CNTLN: variants seen among roughly 807,000 people sequenced by gnomAD.
The protein encoded by CNTLN is centlein, centrosomal protein.
A neutral mutation model predicts 180.0 loss-of-function variants in CNTLN; 212 were observed. The ratio of observed to expected loss-of-function variants is 1.18; its 90% CI spans 1.05 to 1.32. The LOEUF (loss-of-function observed/expected upper bound fraction) is 1.32, where lower values mean the gene tolerates loss of function less well. Ranked by LOEUF, CNTLN falls within the 40% of genes most tolerant of loss-of-function variation. The pLI, the probability that CNTLN is intolerant of heterozygous loss-of-function variation, is 0.00. For missense variants in CNTLN, 2,095 were observed against 1,610.9 expected (o/e 1.30, Z -5.14); for synonymous variants, 722 against 563.1 (o/e 1.28, Z -3.99).
chr9:17,453,828 T>C (rs1327274383), intron 18 of CNTLN, among the ~76,000 whole-genome samples: 2 of 152,352 alleles, frequency 1.3e-5, no homozygotes, highest in East Asian at 3.9e-4. Context: ...CATGGCAACT[T>C]ACTTCTTTAA....
intron 23 of CNTLN, among the ~76,000 whole-genome samples, chr9:17,478,710 G>A (rs1481484068): frequency 6.6e-6 from 1 of 151,756 alleles, no homozygotes; most frequent in Non-Finnish European, 1.5e-5. Context: ...TTTTGCCTTT[G>A]GATATCCAGT....
chr9:17,502,672 AT>A lies in CNTLN; in HGVS notation c.*22del. 9.7e-7 allele frequency: 1 copy of A among 1,026,244 alleles called. No homozygotes were observed. The highest frequency in any genetic ancestry group is 2.8e-5 in the East Asian group (1 of 35,694). The allele number at this position is 1,026,244 out of a possible 1,614,324, so 63.6% of individuals were successfully genotyped here. On this transcript the variant is annotated 3_prime_UTR_variant, in exon 26 of 26. Transcript: ENST00000380647. ...AGATGATATTAAAATGGAGAGCTTT[AT>A]TGCAAATGTGAAAACTTTTTATGTG... is the stretch of plus-strand genomic sequence containing the variant.
intron 2 of CNTLN, among the ~76,000 whole-genome samples, chr9:17,161,546 CT>C (rs1418378822): frequency 6.6e-6 from 1 of 152,140 alleles, no homozygotes; most frequent in Non-Finnish European, 1.5e-5. Flanking sequence ...AATTGTTCAA[CT>C]TTTCTTTGAA....
rs757600687 is a variant in CNTLN at position 17,409,399 on chromosome 9, C to G, written c.2722C>G (p.Pro908Ala). 3.7e-6 allele frequency: 6 copies of G among 1,613,310 alleles called. No individual in the cohort carries two copies. The East Asian group carries it at 1.3e-4, about 36-fold the overall frequency. ...TGGAAAAGACCAGAAAGAAAGTGATCCAACAGAAGACAGCCAAACACAAGG... is the reference window on the plus strand; with the variant it reads ...TGGAAAAGACCAGAAAGAAAGTGATGCAACAGAAGACAGCCAAACACAAGG... ...EDGKDQKESD[P>A]TEDSQTQGKE... Residue 908 changes from proline to alanine, a missense_variant, in exon 16 of 26, where the codon CCA (proline) becomes GCA (alanine). Coordinates refer to ENST00000380647, the MANE Select transcript of CNTLN (RefSeq NM_017738.4).
chr9:17,213,034 G>GT (rs911423267), intron 2 of CNTLN, among the ~76,000 whole-genome samples: 5 of 152,058 alleles, frequency 3.3e-5, no homozygotes, highest in African/African-American at 1.2e-4. Context: ...TTTCTGAAGT[G>GT]TTTTTTGTGT....
rs537944103 is a variant in CNTLN at position 17,295,883 on chromosome 9, G to T, written c.984-2307G>T. Among the ~76,000 whole-genome samples the T allele has an allele frequency of 7.2e-5, 11 of 152,044 alleles. 1 individual carries two copies. The South Asian group carries it at 2.3e-3, about 32-fold the overall frequency. On this transcript the variant is annotated intron_variant, in intron 6 of 25. Coordinates refer to ENST00000380647, the MANE Select transcript of CNTLN (RefSeq NM_017738.4). ...AGAGCATGCCCAGAAAATACCATGAGGTGGTAGAGAAAAATGTGCTTTTTC... is the reference window on the plus strand; with the variant it reads ...AGAGCATGCCCAGAAAATACCATGATGTGGTAGAGAAAAATGTGCTTTTTC...
chr9:17,421,757 C>T (rs1360727782), intron 18 of CNTLN, among the ~76,000 whole-genome samples: 1 of 151,882 alleles, frequency 6.6e-6, no homozygotes, highest in Non-Finnish European at 1.5e-5. Context: ...TTCAGGTTAC[C>T]ATGAGGTCTG....
intron 1 of CNTLN, 82 bp downstream of exon 1, chr9:17,135,507 CT>C (rs1278691208): frequency 4.2e-5 from 62 of 1,474,932 alleles, no homozygotes; most frequent in Non-Finnish European, 5.6e-5. Flanking sequence ...CTCCCTCTGC[CT>C]TGGGACCTAC....
rs111322732 is a variant in CNTLN, at chr9:17,327,907, T to G, written c.1342-2725T>G. ...GGCAGAGGTTGCAGTGAGCCGAGAT[T>G]GCACCATTGCACTCCAGCCTGGGCA... On this transcript the variant is annotated intron_variant, in intron 8 of 25. Transcript: ENST00000380647. Among the ~76,000 whole-genome samples, 454 of 152,002 alleles carry G rather than the reference T, an allele frequency of 3.0e-3. 4 individuals are homozygous for G. The highest frequency in any genetic ancestry group is 0.01 in the African/African-American group (430 of 41,442).
At chr9:17,312,957 C>T (rs189206218) in intron 8 of CNTLN, among the ~76,000 whole-genome samples, 1 of 152,030 alleles carries the variant, frequency 6.6e-6, no homozygotes, top group African/African-American at 2.4e-5. Context: ...TTTGTTTCTC[C>T]TTTGAGTTTT....
At chr9:17,267,557 CTG>C (rs764483028) in intron 5 of CNTLN, among the ~76,000 whole-genome samples, 17 of 151,630 alleles carry the variant, frequency 1.1e-4, no homozygotes, top group Non-Finnish European at 2.1e-4. Flanking sequence ...GTGGCGTTCT[CTG>C]TGTTTCCTGA....
intron 8 of CNTLN, among the ~76,000 whole-genome samples, chr9:17,319,393 A>G (rs1022292845): frequency 6.6e-6 from 1 of 152,226 alleles, no homozygotes; most frequent in African/African-American, 2.4e-5. Context: ...TTAATGATTA[A>G]TAGGAGACTA....
At chr9:17,264,975 G>A (rs1202212382) in intron 5 of CNTLN, among the ~76,000 whole-genome samples, 1 of 144,668 alleles carries the variant, frequency 6.9e-6, no homozygotes, top group Non-Finnish European at 1.5e-5. Context: ...ATAGAATCAT[G>A]TCATCTGCAA....
intron 2 of CNTLN, among the ~76,000 whole-genome samples, chr9:17,181,006 C>T (rs778517129): frequency 1.3e-5 from 2 of 151,978 alleles, no homozygotes; most frequent in Non-Finnish European, 2.9e-5. Context: ...TGGAAGTTTT[C>T]GTATGATATG....
Position 17,152,208 on chromosome 9 carries a change from G to C in CNTLN, c.449+8832G>C, listed in dbSNP as rs149008089. On this transcript the variant is annotated intron_variant, in intron 2 of 25. Coordinates refer to ENST00000380647, the MANE Select transcript of CNTLN (RefSeq NM_017738.4). ...TATTTCTTGTCTTCTGCTAGCTTTT[G>C]AATTTGTTTGCTGTTGCTTCTCTAG... Among the ~76,000 whole-genome samples the C allele has an allele frequency of 2.9e-3, 437 of 152,158 alleles. 1 individual carries two copies. The highest frequency in any genetic ancestry group is 0.01 in the African/African-American group (420 of 41,512).
At position 17,388,163 on chromosome 9, in the gene CNTLN, A is replaced by G. The variant is rs746232856; in HGVS notation, c.1989A>G (p.Glu663=). The G allele has an allele frequency of 1.3e-6, 2 of 1,598,860 alleles. No homozygotes were observed. Among genetic ancestry groups the G allele is most frequent in the Admixed American group, 1.7e-5 (1 of 59,804 alleles). Residue 663 remains glutamate (E), a splice_region_variant and synonymous_variant, in exon 14 of 26, where the codon GAA becomes GAG. Transcript: ENST00000380647. The stretch of plus-strand genomic sequence containing the variant: ...AATATATTATTTATTCTCTACCAGA[A>G]CAGCTCTTTAGATCTGGTGAAGATG... ...LNRCVAERRE[E]QLFRSGEDDE... is the part of the protein sequence containing the mutation.
intron 5 of CNTLN, among the ~76,000 whole-genome samples, chr9:17,270,385 C>G (rs1251120070): frequency 2.0e-5 from 3 of 151,888 alleles, no homozygotes; most frequent in Non-Finnish European, 2.9e-5. Flanking sequence ...TATTTTTTTC[C>G]TTTAATCTCT....
Position 17,289,308 on chromosome 9 carries a change from C to A in CNTLN, c.984-8882C>A, listed in dbSNP as rs1431140784. ...GATATGAAATTCTGGGTTGAAAATT[C>A]TTTTCTTTAAGAATGTTGAATATTG... On this transcript the variant is annotated intron_variant, in intron 6 of 25. Coordinates refer to ENST00000380647, the MANE Select transcript of CNTLN (RefSeq NM_017738.4). 1.3e-4 allele frequency among the ~76,000 whole-genome samples: 14 copies of A among 106,380 alleles called. No homozygotes were observed. The East Asian group carries it at 1.6e-3, about 12-fold the overall frequency. The allele number at this position is 106,380 out of a possible 152,430, so 69.8% of individuals were successfully genotyped here.
rs145418492 is a variant in CNTLN at position 17,378,306 on chromosome 9, C to A, written c.1988-9856C>A. Among the ~76,000 whole-genome samples, 120 of 152,100 alleles carry A rather than the reference C, an allele frequency of 7.9e-4. 1 individual carries two copies. The East Asian group carries it at 0.022, about 28-fold the overall frequency. On this transcript the variant is annotated intron_variant, in intron 13 of 25. Transcript: ENST00000380647. ...GCAATTCTCCTGCCTCAGTCTCCCA[C>A]GTAGCTAGGATTACAGGCATGCACC... is the stretch of plus-strand genomic sequence containing the variant.
Sources: allele counts gnomAD v4.1 joint callset (sites outside exome capture counted in the v4.1 genomes callset), GRCh38; gene constraint gnomAD v4.1.1; transcripts MANE v1.5; gene names NCBI Gene and HGNC (gene_info 2026-07-23, HGNC 2026-07-21).